ACER3: variants seen among roughly 807,000 people sequenced by gnomAD.
ACER3 encodes the protein alkCDase 3.
A neutral mutation model predicts 48.9 loss-of-function variants in ACER3; 16 were observed. The ratio of observed to expected loss-of-function variants is 0.33; its 90% CI spans 0.22 to 0.50. The LOEUF is 0.50. Ranked by LOEUF, ACER3 falls within the 20% of genes least tolerant of loss-of-function variation. ACER3 has a pLI of 0.98. For missense variants in ACER3, 227 were observed against 326.0 expected, an observed-to-expected ratio of 0.70 and a Z score of 2.34; for synonymous variants, 109 against 107.8, an observed-to-expected ratio of 1.01 and a Z score of -0.07.
At chr11:76,972,792 G>C (rs1948340172) in intron 3 of ACER3, among the ~76,000 whole-genome samples, 1 of 152,104 alleles carries the variant, frequency 6.6e-6, no homozygotes, top group South Asian at 2.1e-4. Flanking sequence ...GTACCAGGGG[G>C]TGAAGGTCTG....
At chr11:76,907,159 C>T (rs1207790170) in intron 1 of ACER3, among the ~76,000 whole-genome samples, 1 of 152,306 alleles carries the variant, frequency 6.6e-6, no homozygotes, top group African/African-American at 2.4e-5. Flanking sequence ...CTTCTCCTAT[C>T]ACTTTAAAGT....
At chr11:77,006,202 G>A (rs1000805256) in intron 7 of ACER3, among the ~76,000 whole-genome samples, 26 of 150,580 alleles carry the variant, frequency 1.7e-4, no homozygotes, top group Admixed American at 6.6e-4. Context: ...TTGGCCAGGC[G>A]GGTCTCAAAC....
At chr11:76,924,973 C>CAAA (rs57093609) in intron 1 of ACER3, among the ~76,000 whole-genome samples, 833 of 78,512 alleles carry the variant, frequency 0.011, 34 homozygotes, top group African/African-American at 0.027. Flanking sequence ...AAGACTCTGT[C>CAAA]AAAAAAAAAA....
intron 1 of ACER3, among the ~76,000 whole-genome samples, chr11:76,872,202 A>T (rs1945260413): frequency 6.6e-6 from 1 of 151,830 alleles, no homozygotes. Flanking sequence ...TCAGCCTCCC[A>T]AGTAGCTGAG....
intron 2 of ACER3, among the ~76,000 whole-genome samples, chr11:76,935,233 AT>A (rs2134883836): frequency 6.6e-6 from 1 of 152,242 alleles, no homozygotes; most frequent in East Asian, 1.9e-4. Flanking sequence ...AGAGAAAAGG[AT>A]TGAAATGGAA....
chr11:76,958,739 T>C (rs1255026121), intron 2 of ACER3: 2 of 518,824 alleles, frequency 3.9e-6, no homozygotes, highest in South Asian at 4.3e-5. Context: ...TAATGGAATA[T>C]TGTTAGTCTA....
chr11:76,899,278 C>G (rs1044774785), intron 1 of ACER3, among the ~76,000 whole-genome samples: 2 of 152,184 alleles, frequency 1.3e-5, no homozygotes, highest in Admixed American at 6.5e-5. Flanking sequence ...ATATTTATGA[C>G]AAATGCCCTG....
At chr11:77,005,959 T>TA in intron 7 of ACER3, among the ~76,000 whole-genome samples, 2 of 102,426 alleles carry the variant, frequency 2.0e-5, no homozygotes, top group East Asian at 6.4e-4. Flanking sequence ...TATATGTATA[T>TA]TATATATATA....
At chr11:76,868,777 A>G (rs758225527) in intron 1 of ACER3, among the ~76,000 whole-genome samples, 1 of 152,220 alleles carries the variant, frequency 6.6e-6, no homozygotes, top group Non-Finnish European at 1.5e-5. Flanking sequence ...ATGGTTGTTC[A>G]TGCTTCAATC....
At chr11:76,919,225 GTATTCAGCCAAAT>G in intron 1 of ACER3, among the ~76,000 whole-genome samples, 1 of 152,152 alleles carries the variant, frequency 6.6e-6, no homozygotes, top group East Asian at 1.9e-4. Context: ...AGGGTTTTAT[GTATTCAGCCAAAT>G]GTTGGAAAAC....
chr11:76,936,746 C>A (rs1590958341), intron 2 of ACER3, among the ~76,000 whole-genome samples: 1 of 146,478 alleles, frequency 6.8e-6, no homozygotes. Context: ...AAGACAGAGT[C>A]TCGCTCTGTC....
chr11:77,022,946 A>G lies in ACER3; in HGVS notation c.*2619A>G. On this transcript the variant is annotated 3_prime_UTR_variant, in exon 11 of 11. Coordinates refer to ENST00000532485, the MANE Select transcript of ACER3 (RefSeq NM_018367.7). ...AAGAAGCAATTTGCTTGCACATCTGAATATCCTTCTTGTGCCTCCATTTTC... is the reference window on the plus strand; with the variant it reads ...AAGAAGCAATTTGCTTGCACATCTGGATATCCTTCTTGTGCCTCCATTTTC... The G allele has an allele frequency of 2.5e-6, 1 of 392,400 alleles. No individual in the cohort carries two copies. Among genetic ancestry groups the G allele is most frequent in the African/African-American group, 2.1e-5 (1 of 48,600 alleles). The allele number at this position is 392,400 out of a possible 1,614,324, so 24.3% of individuals were successfully genotyped here.
chr11:76,931,029 T>C (rs1237710663), intron 2 of ACER3, among the ~76,000 whole-genome samples: 1 of 144,740 alleles, frequency 6.9e-6, no homozygotes, highest in Non-Finnish European at 1.5e-5. Context: ...TTGTTAACTT[T>C]CTGTCTCGTT....
chr11:76,893,545 T>G (rs1314932980), intron 1 of ACER3, among the ~76,000 whole-genome samples: 1 of 152,164 alleles, frequency 6.6e-6, no homozygotes, highest in Non-Finnish European at 1.5e-5. Flanking sequence ...ATAGGGTGGA[T>G]GTAGTAGCTC....
intron 1 of ACER3, chr11:76,868,120 G>A: frequency 7.8e-7 from 1 of 1,289,562 alleles, no homozygotes; most frequent in Non-Finnish European, 1.0e-6. Context: ...CTTTTCTCAG[G>A]TTCCTTCCTA....
chr11:76,938,204 G>T (rs1343523588), intron 2 of ACER3, among the ~76,000 whole-genome samples: 1 of 152,090 alleles, frequency 6.6e-6, no homozygotes, highest in Non-Finnish European at 1.5e-5. Context: ...TTGTAGAGAT[G>T]GGGTTTCACC....
intron 6 of ACER3, chr11:76,994,289 C>T: frequency 2.5e-6 from 1 of 398,026 alleles, no homozygotes; most frequent in Non-Finnish European, 4.9e-6. Context: ...ACCATCACGC[C>T]AGGCTAATTT....
intron 1 of ACER3, among the ~76,000 whole-genome samples, chr11:76,908,591 TAA>T (rs1298386638): frequency 1.3e-5 from 2 of 151,960 alleles, no homozygotes; most frequent in African/African-American, 2.4e-5. Flanking sequence ...CTCAAGGAAA[TAA>T]GAGAGGACAC....
At position 76,990,588 on chromosome 11, in the gene ACER3, A is replaced by T; in HGVS notation, c.438+14A>T. ...ATATTCCATCAGGTAATTTTTTGTA[A>T]ATTATTACACATTAGATTGTTTACG... On this transcript the variant is annotated intron_variant, in intron 6 of 10. Coordinates refer to ENST00000532485, the MANE Select transcript of ACER3 (RefSeq NM_018367.7). 2 of 1,418,204 alleles carry T rather than the reference A, an allele frequency of 1.4e-6. No homozygotes were observed. The highest frequency in any genetic ancestry group is 2.3e-5 in the East Asian group (1 of 43,594). The allele number at this position is 1,418,204 out of a possible 1,614,324, so 87.9% of individuals were successfully genotyped here. A position where few individuals can be genotyped will look rare whatever the true frequency, so the allele number is the denominator to read the frequency against.
Sources: allele counts gnomAD v4.1 joint callset (sites outside exome capture counted in the v4.1 genomes callset), GRCh38; gene constraint gnomAD v4.1.1; transcripts MANE v1.5; gene names NCBI Gene and HGNC (gene_info 2026-07-23, HGNC 2026-07-21).